ERCC5: variants seen among roughly 807,000 people sequenced by gnomAD.
The protein encoded by ERCC5 is DNA excision repair protein ERCC-5.
ERCC5 carries 68 observed loss-of-function variants against 105.6 expected under a neutral mutation model. The observed-to-expected ratio is 0.64, with a 90% CI of 0.53 to 0.79. The LOEUF (loss-of-function observed/expected upper bound fraction) is 0.79, where lower values mean the gene tolerates loss of function less well. Ranked by LOEUF, ERCC5 falls within the 30% of genes least tolerant of loss-of-function variation. ERCC5 has a pLI of 0.00. For missense variants in ERCC5, 1,373 were observed against 1,426.7 expected (o/e 0.96, Z 0.61); for synonymous variants, 546 against 526.2 (o/e 1.04, Z -0.51).
chr13:102,858,271 A>G lies in ERCC5; in HGVS notation c.529-4A>G. On this transcript the variant is annotated splice_polypyrimidine_tract_variant and splice_region_variant and intron_variant, in intron 5 of 14. Transcript: ENST00000652225. The stretch of plus-strand genomic sequence containing the variant: ...TTCATGGTGCTGTGATTTTATCTTT[A>G]CAGGAAGAGTTCTTTCATAATCCTC... 6.2e-7 allele frequency: 1 copy of G among 1,614,132 alleles called. No individual in the cohort carries two copies. Among genetic ancestry groups the G allele is most frequent in the Admixed American group, 1.7e-5 (1 of 60,020 alleles).
rs1883188901 is a variant in ERCC5, at chr13:102,875,533, T to C, written c.3191T>C (p.Leu1064Ser). ...KTQKRGITNTLEESSSLKRKR... is the reference protein window; with the variant it reads ...KTQKRGITNTSEESSSLKRKR... ...CAGAAGAGAGGCATAACAAATACCT[T>C]AGAAGAGTCATCAAGCCTGAAAAGA... The change falls in exon 15 of 15, where the codon TTA becomes TCA. Residue 1064 changes from leucine (L) to serine (S), a missense_variant. Around this residue, in one of 3 missense-constraint regions of ERCC5, gnomAD observed 367 missense variants for 350.2 expected, o/e 1.05. Transcript: ENST00000652225. The C allele has an allele frequency of 6.2e-7, 1 of 1,613,772 alleles. No homozygotes were observed. Among genetic ancestry groups the C allele is most frequent in the South Asian group, 1.1e-5 (1 of 90,994 alleles).
intron 8 of ERCC5, among the ~76,000 whole-genome samples, chr13:102,863,613 T>G (rs902968402): frequency 3.9e-5 from 6 of 152,200 alleles, no homozygotes; most frequent in African/African-American, 1.4e-4. Context: ...TCACTAAAAT[T>G]TATTTATAAC....
intron 4 of ERCC5, among the ~76,000 whole-genome samples, chr13:102,855,521 G>GA (rs1366425030): frequency 6.6e-6 from 1 of 152,168 alleles, no homozygotes; most frequent in African/African-American, 2.4e-5. Flanking sequence ...AAAGTGCTGG[G>GA]ATTGCAGGCG....
chr13:102,861,242 G>A (rs2140525883), intron 6 of ERCC5, among the ~76,000 whole-genome samples: 1 of 152,166 alleles, frequency 6.6e-6, no homozygotes, highest in East Asian at 1.9e-4. Context: ...ACCCATCTCG[G>A]CCTCCCAAAG....
At position 102,875,924 on chromosome 13, in the gene ERCC5, A is replaced by G. The variant is rs925539969; in HGVS notation, c.*21A>G. ...CCTAATTAAAAAATATGTATCCTCT[A>G]TAATTAGTTATGACAGCCATTTGTA... On this transcript the variant is annotated 3_prime_UTR_variant, in exon 15 of 15. Transcript: ENST00000652225. 1 of 1,598,690 alleles carries G rather than the reference A, an allele frequency of 6.3e-7. No homozygotes were observed. The highest frequency in any genetic ancestry group is 8.5e-7 in the Non-Finnish European group (1 of 1,178,326).
At chr13:102,875,193 A>G in intron 14 of ERCC5, 114 bp from the exon 15 acceptor site, 25 of 1,200,430 alleles carry the variant, frequency 2.1e-5, no homozygotes, top group Non-Finnish European at 2.8e-5. Flanking sequence ...ATGAATTAAT[A>G]TTCTCTGACA....
rs201777503 is a variant in ERCC5, at chr13:102,861,541, G to T, written c.707G>T (p.Gly236Val). ...GACTTTTCACAGTACCAACTCAAAG[G>T]CTTGCTTAAAAAGAACTATCTGAAC... ...SDDFSQYQLKGLLKKNYLNQH... is the reference protein window; with the variant it reads ...SDDFSQYQLKVLLKKNYLNQH... The change falls in exon 7 of 15, where the codon GGC becomes GTC. Residue 236 changes from glycine to valine, a missense_variant. Around this residue, in one of 3 missense-constraint regions of ERCC5, gnomAD observed 1,004 missense variants for 1,059.7 expected, o/e 0.95. Coordinates refer to ENST00000652225, the MANE Select transcript of ERCC5 (RefSeq NM_000123.4). The T allele has an allele frequency of 1.9e-6, 3 of 1,614,022 alleles. No homozygotes were observed. Among genetic ancestry groups the T allele is most frequent in the Non-Finnish European group, 1.7e-6 (2 of 1,179,998 alleles).
chr13:102,858,101 C>G (rs1882491383), intron 5 of ERCC5, among the ~76,000 whole-genome samples, 174 bp from the exon 6 acceptor site: 1 of 152,082 alleles, frequency 6.6e-6, no homozygotes, highest in Non-Finnish European at 1.5e-5. Context: ...GCTACATTCC[C>G]TAATTTGCCT....
rs1454045923 is a variant in ERCC5, at chr13:102,875,305, AG to A, written c.2965-1del. ...ATTATTATTCTTTTGTTATTTTTTT[AG>A]ACACAGCTCCGAATTGATTCCTTCT... On this transcript the variant is annotated splice_acceptor_variant, in intron 14 of 14. Coordinates refer to ENST00000652225, the MANE Select transcript of ERCC5 (RefSeq NM_000123.4). LOFTEE classifies it high-confidence loss of function. 1 of 1,613,346 alleles carries A rather than the reference AG, an allele frequency of 6.2e-7. No individual in the cohort carries two copies. Among genetic ancestry groups the A allele is most frequent in the East Asian group, 2.2e-5 (1 of 44,856 alleles).
intron 2 of ERCC5, 70 bp from the exon 3 acceptor site, chr13:102,853,687 A>G: frequency 2.7e-6 from 4 of 1,498,876 alleles, no homozygotes; most frequent in East Asian, 2.3e-5. Context: ...TTCTCTGGAA[A>G]ATAAATCACA....
At chr13:102,873,133 A>AAAT in intron 13 of ERCC5, 126 bp from the exon 14 acceptor site, 1 of 1,126,668 alleles carries the variant, frequency 8.9e-7, no homozygotes, top group Non-Finnish European at 1.3e-6. Context: ...TAGCACTCTA[A>AAAT]TCTTTATAAA....
At chr13:102,853,954 C>T in intron 3 of ERCC5, 82 bp downstream of exon 3, 1 of 1,366,646 alleles carries the variant, frequency 7.3e-7, no homozygotes, top group Non-Finnish European at 1.0e-6. Flanking sequence ...TTCTCTTTCC[C>T]TATCTAATTT....
rs1882800355 is a variant in ERCC5 at position 102,865,547 on chromosome 13, G to A, written c.1955-120G>A. ...CTACTATTACATGTATTCTGTTATA[G>A]TCATATCTTTCCTTTTTAGGATGTA... is the stretch of plus-strand genomic sequence containing the variant. On this transcript the variant is annotated intron_variant, in intron 8 of 14. Transcript: ENST00000652225. The surrounding 1 kb of genome is among the most constrained non-coding windows in gnomAD (Gnocchi z 4.0). 1.5e-6 allele frequency: 2 copies of A among 1,357,006 alleles called. No homozygotes were observed. Among genetic ancestry groups the A allele is most frequent in the Non-Finnish European group, 2.0e-6 (2 of 980,506 alleles). 84.1% of individuals were successfully genotyped at this position (1,357,006 alleles called of 1,614,324 possible).
chr13:102,847,401 G>A (rs549202246), intron 1 of ERCC5, among the ~76,000 whole-genome samples: 1 of 151,186 alleles, frequency 6.6e-6, no homozygotes, highest in Non-Finnish European at 1.5e-5. Flanking sequence ...GTGGGCTTGT[G>A]GAAAGAGTCC....
intron 14 of ERCC5, among the ~76,000 whole-genome samples, chr13:102,874,440 ATTAG>A (rs1883129566): frequency 6.6e-6 from 1 of 152,186 alleles, no homozygotes. Flanking sequence ...TATTTAAATA[ATTAG>A]TTCAGTTTAC....
rs527458998 is a variant in ERCC5 at position 102,862,706 on chromosome 13, A to C, written c.1557A>C (p.Gly519=). ...GTGACGCACCTGGGCTCCCGAATGG[A>C]AGGGAACTGACACCGGCATCTCCAA... The part of the protein sequence containing the change: ...RHSDAPGLPN[G]RELTPASPTC... The change falls in exon 8 of 15, where the codon GGA becomes GGC. Residue 519 remains glycine, a synonymous_variant. Transcript: ENST00000652225. 9.3e-6 allele frequency: 15 copies of C among 1,614,076 alleles called. No homozygotes were observed. Among genetic ancestry groups the C allele is most frequent in the Non-Finnish European group, 1.2e-5 (14 of 1,180,038 alleles).
intron 4 of ERCC5, 124 bp downstream of exon 4, chr13:102,854,498 T>C (rs975186933): frequency 1.1e-5 from 10 of 915,942 alleles, no homozygotes; most frequent in Middle Eastern, 2.9e-4. Context: ...GAAATAGGCA[T>C]GCTCTATACC....
chr13:102,875,758 A>T lies in ERCC5; in HGVS notation c.3416A>T (p.Lys1139Met). 1 of 1,614,174 alleles carries T rather than the reference A, an allele frequency of 6.2e-7. No individual in the cohort carries two copies. Among genetic ancestry groups the T allele is most frequent in the Non-Finnish European group, 8.5e-7 (1 of 1,180,028 alleles). ...AACTCAGTGAAGGAAGCTCCCGTGA[A>T]GAATGGAGGTGCGACCACCAGCAGC... ...SQNSVKEAPV[K>M]NGGATTSSSS... The change falls in exon 15 of 15, where the codon AAG (lysine) becomes ATG (methionine). Residue 1139 changes from lysine to methionine, a missense_variant. Around this residue, in one of 3 missense-constraint regions of ERCC5, gnomAD observed 367 missense variants for 350.2 expected, o/e 1.05. Coordinates refer to ENST00000652225, the MANE Select transcript of ERCC5 (RefSeq NM_000123.4).
At chr13:102,863,377 T>G (rs550020144) in intron 8 of ERCC5, among the ~76,000 whole-genome samples, 1 of 152,144 alleles carries the variant, frequency 6.6e-6, no homozygotes, top group East Asian at 1.9e-4. Flanking sequence ...TTTAAAAACT[T>G]TTTATTTTGA....
Sources: allele counts gnomAD v4.1 joint callset (sites outside exome capture counted in the v4.1 genomes callset), GRCh38; gene constraint gnomAD v4.1.1; regional missense constraint gnomAD v4.1.1; non-coding constraint Gnocchi (gnomAD v3.1); transcripts MANE v1.5; gene names NCBI Gene and HGNC (gene_info 2026-07-23, HGNC 2026-07-21).